The following ASAP1 variants were observed in gnomAD, a reference collection of about 807,000 sequenced individuals.
The protein encoded by ASAP1 is ArfGAP with SH3 domain, ankyrin repeat and PH domain 1.
ASAP1 carries 43 observed loss-of-function variants against 145.2 expected under a neutral mutation model. The observed-to-expected ratio is 0.30, with a 90% CI of 0.23 to 0.38. The LOEUF is 0.38. Ranked by LOEUF, ASAP1 falls within the 10% of genes least tolerant of loss-of-function variation. The pLI is 1.00. For missense variants in ASAP1, 1,018 were observed against 1,355.3 expected (o/e 0.75, Z 3.91); for synonymous variants, 546 against 515.5 (o/e 1.06, Z -0.80).
intron 1 of ASAP1, among the ~76,000 whole-genome samples, chr8:130,410,735 G>A (rs1426116329): frequency 6.6e-6 from 1 of 152,236 alleles, no homozygotes; most frequent in African/African-American, 2.4e-5. Flanking sequence ...AGGGCTGGGG[G>A]AATTTCCCAA....
intron 2 of ASAP1, among the ~76,000 whole-genome samples, chr8:130,391,283 G>C (rs1190614996): frequency 6.6e-6 from 1 of 152,170 alleles, no homozygotes; most frequent in African/African-American, 2.4e-5. Flanking sequence ...AAGGGAGAGG[G>C]AAGAGAAGGA....
At chr8:130,104,091 C>T (rs1024275425) in intron 24 of ASAP1, among the ~76,000 whole-genome samples, 1 of 152,188 alleles carries the variant, frequency 6.6e-6, no homozygotes, top group Non-Finnish European at 1.5e-5. Flanking sequence ...ATGATCTGTA[C>T]TGTCTCCACA....
intron 2 of ASAP1, among the ~76,000 whole-genome samples, chr8:130,364,339 C>T (rs888672173): frequency 2.0e-5 from 3 of 152,220 alleles, no homozygotes; most frequent in East Asian, 1.9e-4. Flanking sequence ...TAGTATTATG[C>T]GCCCTGTATT....
chr8:130,329,832 G>T (rs997882734), intron 3 of ASAP1, among the ~76,000 whole-genome samples: 4 of 152,166 alleles, frequency 2.6e-5, no homozygotes, highest in African/African-American at 9.7e-5. Flanking sequence ...TCTCCTTGGA[G>T]GAAAACCACA....
intron 2 of ASAP1, among the ~76,000 whole-genome samples, chr8:130,392,885 A>G (rs1450821078): frequency 2.0e-5 from 3 of 152,180 alleles, no homozygotes; most frequent in Non-Finnish European, 2.9e-5. Flanking sequence ...ATCCGCCTCC[A>G]TGACCCAAAC....
chr8:130,431,964 G>A (rs1239030168), intron 1 of ASAP1, among the ~76,000 whole-genome samples: 3 of 126,860 alleles, frequency 2.4e-5, no homozygotes, highest in Non-Finnish European at 5.0e-5. Context: ...AGGAGGAGGA[G>A]GGGGAAGAAG....
At chr8:130,327,215 T>C (rs1449949543) in intron 3 of ASAP1, among the ~76,000 whole-genome samples, 1 of 152,248 alleles carries the variant, frequency 6.6e-6, no homozygotes, top group Non-Finnish European at 1.5e-5. Flanking sequence ...TGTGGCACTA[T>C]GTGAACAGCT....
chr8:130,241,545 A>C (rs568149615), intron 3 of ASAP1, among the ~76,000 whole-genome samples: 1 of 152,276 alleles, frequency 6.6e-6, no homozygotes, highest in Non-Finnish European at 1.5e-5. Flanking sequence ...TCATCTCCAC[A>C]AAACAGAGAA....
At chr8:130,099,157 G>A (rs1182705353) in intron 24 of ASAP1, among the ~76,000 whole-genome samples, 1 of 151,114 alleles carries the variant, frequency 6.6e-6, no homozygotes, top group Non-Finnish European at 1.5e-5. Context: ...GGGACTATAC[G>A]TGTACGCCAC....
chr8:130,166,088 T>C (rs555386457), intron 11 of ASAP1, among the ~76,000 whole-genome samples: 17 of 152,152 alleles, frequency 1.1e-4, no homozygotes, highest in Non-Finnish European at 2.5e-4. Flanking sequence ...GTGACACAAA[T>C]ACAGCTTACT....
rs192950815 is a variant in ASAP1 at position 130,311,940 on chromosome 8, T to C, written c.186+46077A>G. Among the ~76,000 whole-genome samples, 9 of 152,182 alleles carry C rather than the reference T, an allele frequency of 5.9e-5. No homozygotes were observed. In the East Asian group the frequency reaches 1.5e-3, roughly 26 times the overall value. On this transcript the variant is annotated intron_variant, in intron 3 of 29. Transcript: ENST00000518721. The stretch of plus-strand genomic sequence containing the variant: ...ATACGATCCATAATGATTTATTAAT[T>C]GTACTCCTTCTAAATGAGAAGATCC...
intron 24 of ASAP1, among the ~76,000 whole-genome samples, chr8:130,106,908 C>T (rs2097537724): frequency 6.6e-6 from 1 of 152,180 alleles, no homozygotes; most frequent in Non-Finnish European, 1.5e-5. Context: ...GTGGGAGGTA[C>T]TTCTTCCTTC....
intron 3 of ASAP1, among the ~76,000 whole-genome samples, chr8:130,259,273 G>C (rs554721166): frequency 4.6e-5 from 7 of 152,142 alleles, no homozygotes; most frequent in Non-Finnish European, 1.0e-4. Context: ...CTCCCAACAA[G>C]CTTTAAACAA....
chr8:130,141,356 C>T (rs1158898947), intron 13 of ASAP1, among the ~76,000 whole-genome samples: 1 of 152,122 alleles, frequency 6.6e-6, no homozygotes, highest in Non-Finnish European at 1.5e-5. Flanking sequence ...CTGGTCCCTC[C>T]TGCTGCTCAC....
intron 18 of ASAP1, among the ~76,000 whole-genome samples, chr8:130,123,089 T>A (rs550313403): frequency 6.6e-6 from 1 of 152,346 alleles, no homozygotes; most frequent in East Asian, 1.9e-4. Flanking sequence ...CTGCATAGTG[T>A]TCTGTTGTGT....
At position 130,094,467 on chromosome 8, in the gene ASAP1, CA is replaced by C. The variant is rs1435903828; in HGVS notation, c.2402-2325del. 3.3e-5 allele frequency among the ~76,000 whole-genome samples: 5 copies of C among 152,142 alleles called. No individual in the cohort carries two copies. The East Asian group carries it at 7.7e-4, about 23-fold the overall frequency. On this transcript the variant is annotated intron_variant, in intron 24 of 29. Transcript: ENST00000518721. ...AACTCCTGAGCTGAAGCGACCCTCC[CA>C]AAGTGCTAGAATTATAGGCGTGAGT...
chr8:130,398,683 C>T (rs2138544701), intron 2 of ASAP1, among the ~76,000 whole-genome samples: 1 of 152,250 alleles, frequency 6.6e-6, no homozygotes, highest in African/African-American at 2.4e-5. Flanking sequence ...GGCACTGTTC[C>T]AAGTGCTTTA....
chr8:130,310,496 A>G (rs980546326), intron 3 of ASAP1, among the ~76,000 whole-genome samples: 2 of 152,180 alleles, frequency 1.3e-5, no homozygotes, highest in African/African-American at 4.8e-5. Context: ...AAGTGAATTA[A>G]ACCACAAAGG....
At chr8:130,253,205 C>G (rs77583556) in intron 3 of ASAP1, among the ~76,000 whole-genome samples, 16,567 of 152,192 alleles carry the variant, frequency 0.11, 1,030 homozygotes, top group South Asian at 0.28. Context: ...GTGGTCAAAT[C>G]CTAGCTCCAC....
Sources: allele counts gnomAD v4.1 joint callset (sites outside exome capture counted in the v4.1 genomes callset), GRCh38; gene constraint gnomAD v4.1.1; transcripts MANE v1.5; gene names NCBI Gene and HGNC (gene_info 2026-07-23, HGNC 2026-07-21).